The following KCNB2 variants were observed in gnomAD, a reference collection of about 807,000 sequenced individuals.
The protein encoded by KCNB2 is delayed rectifier potassium channel protein.
KCNB2 carries 15 observed loss-of-function variants against 61.5 expected under a neutral mutation model. That is an observed-to-expected ratio of 0.24 (90% CI 0.16 to 0.38). The LOEUF is 0.38. KCNB2 is among the 10% of genes least tolerant of loss of function. The pLI is 1.00. For synonymous variants in KCNB2, 457 were observed against 446.0 expected, an observed-to-expected ratio of 1.02 and a Z score of -0.31; for missense variants, 828 against 1,125.2, an observed-to-expected ratio of 0.74 and a Z score of 3.78.
chr8:72,934,212 A>G (rs537459000), intron 2 of KCNB2, among the ~76,000 whole-genome samples: 2 of 151,966 alleles, frequency 1.3e-5, no homozygotes, highest in East Asian at 3.9e-4. Context: ...TAAAAATACA[A>G]AAAAAATTAG....
intron 2 of KCNB2, among the ~76,000 whole-genome samples, chr8:72,855,533 C>T: frequency 6.6e-6 from 1 of 152,176 alleles, no homozygotes; most frequent in East Asian, 1.9e-4. Flanking sequence ...CCAGTATCAT[C>T]TCTCCATATT....
intron 2 of KCNB2, among the ~76,000 whole-genome samples, chr8:72,925,927 G>A (rs1396120101): frequency 6.6e-6 from 1 of 152,128 alleles, no homozygotes; most frequent in African/African-American, 2.4e-5. Context: ...AAAAAGGAAC[G>A]AGATCATGTC....
intron 2 of KCNB2, among the ~76,000 whole-genome samples, chr8:72,925,215 T>A (rs899535361): frequency 6.6e-6 from 1 of 152,150 alleles, no homozygotes; most frequent in African/African-American, 2.4e-5. Flanking sequence ...TGGTGATAGA[T>A]GAGATGATGA....
chr8:72,756,997 G>A (rs1045630009), intron 2 of KCNB2, among the ~76,000 whole-genome samples: 2 of 152,150 alleles, frequency 1.3e-5, no homozygotes, highest in Non-Finnish European at 2.9e-5. Context: ...GGAGAGTTGG[G>A]CCAGAAATAT....
intron 2 of KCNB2, among the ~76,000 whole-genome samples, chr8:72,614,524 G>A (rs2128983661): frequency 6.6e-6 from 1 of 152,316 alleles, no homozygotes; most frequent in East Asian, 1.9e-4. Flanking sequence ...ATCGCACAGT[G>A]AAATGGGGGA....
At chr8:72,718,325 A>G (rs1389777003) in intron 2 of KCNB2, among the ~76,000 whole-genome samples, 200 of 152,212 alleles carry the variant, frequency 1.3e-3, no homozygotes, top group Non-Finnish European at 2.9e-4. Flanking sequence ...TATATACCCA[A>G]AGGATTATAA....
chr8:72,716,877 C>T (rs1373299436), intron 2 of KCNB2, among the ~76,000 whole-genome samples: 2 of 152,030 alleles, frequency 1.3e-5, no homozygotes, highest in Non-Finnish European at 2.9e-5. Flanking sequence ...CAAATTGTCC[C>T]TGTTTGCAGA....
At chr8:72,544,573 T>C (rs1389403160) in intron 1 of KCNB2, among the ~76,000 whole-genome samples, 3 of 152,090 alleles carry the variant, frequency 2.0e-5, no homozygotes, top group African/African-American at 7.2e-5. Context: ...GGAGGAGGAT[T>C]TGAATTCCTG....
At chr8:72,698,211 A>G (rs964266845) in intron 2 of KCNB2, among the ~76,000 whole-genome samples, 1 of 152,082 alleles carries the variant, frequency 6.6e-6, no homozygotes, top group African/African-American at 2.4e-5. Flanking sequence ...TATGCCAATA[A>G]TGTTCAAAAT....
intron 2 of KCNB2, among the ~76,000 whole-genome samples, chr8:72,628,400 G>GTGT (rs869118528): frequency 5.2e-3 from 248 of 47,338 alleles, no homozygotes; most frequent in African/African-American, 0.014. Context: ...CCTGTTAGGG[G>GTGT]GTGTGTGTGT....
intron 2 of KCNB2, among the ~76,000 whole-genome samples, chr8:72,818,216 A>C (rs1809436479): frequency 1.3e-5 from 2 of 152,168 alleles, no homozygotes; most frequent in African/African-American, 4.8e-5. Flanking sequence ...ATGGCCTATC[A>C]CCCTAGTATG....
intron 2 of KCNB2, among the ~76,000 whole-genome samples, chr8:72,642,476 G>C (rs557900904): frequency 1.2e-4 from 18 of 152,190 alleles, no homozygotes; most frequent in African/African-American, 4.1e-4. Flanking sequence ...CAGTGAGCAC[G>C]GTTTGTGGAC....
chr8:72,614,727 C>A (rs1235335049), intron 2 of KCNB2, among the ~76,000 whole-genome samples: 1 of 152,222 alleles, frequency 6.6e-6, no homozygotes, highest in South Asian at 2.1e-4. Context: ...GTCTCCCTTC[C>A]GTTGGTTCTG....
At chr8:72,647,030 G>A (rs1485695215) in intron 2 of KCNB2, among the ~76,000 whole-genome samples, 3 of 152,100 alleles carry the variant, frequency 2.0e-5, no homozygotes, top group Admixed American at 6.6e-5. Context: ...TGGAACGGAG[G>A]GTTTCCCGAG....
chr8:72,818,264 G>T (rs780095031), intron 2 of KCNB2, among the ~76,000 whole-genome samples: 1 of 152,064 alleles, frequency 6.6e-6, no homozygotes, highest in Non-Finnish European at 1.5e-5. Flanking sequence ...GTAATGTCAA[G>T]ATATTATTTT....
chr8:72,578,533 AAAAAAAATCGGT>A (rs1806840510), intron 2 of KCNB2, among the ~76,000 whole-genome samples: 1 of 151,984 alleles, frequency 6.6e-6, no homozygotes, highest in African/African-American at 2.4e-5. Flanking sequence ...AATTCAAAGC[AAAAAAAATCGGT>A]TTTAAGCCCT....
chr8:72,775,060 A>C (rs1484544889), intron 2 of KCNB2, among the ~76,000 whole-genome samples: 1 of 152,174 alleles, frequency 6.6e-6, no homozygotes, highest in East Asian at 1.9e-4. Context: ...TGATGCCAAC[A>C]CCAAAGGAAT....
At chr8:72,574,244 A>T (rs1806762790) in intron 2 of KCNB2, among the ~76,000 whole-genome samples, 1 of 152,210 alleles carries the variant, frequency 6.6e-6, no homozygotes, top group Non-Finnish European at 1.5e-5. Context: ...TTTCCCGGAA[A>T]GGCTGCCCTG....
At chr8:72,929,155 G>T (rs752896907) in intron 2 of KCNB2, among the ~76,000 whole-genome samples, 5 of 152,172 alleles carry the variant, frequency 3.3e-5, no homozygotes, top group Non-Finnish European at 5.9e-5. Flanking sequence ...GACCGGGCTT[G>T]TGCATGCAGC....
Sources: gnomAD v4.1 joint callset for allele counts (sites outside exome capture counted in the v4.1 genomes callset) on GRCh38, gnomAD v4.1.1 for gene constraint, MANE v1.5 for transcripts, NCBI Gene and HGNC (gene_info 2026-07-23, HGNC 2026-07-21) for gene names.